FHIT: variants seen among roughly 807,000 people sequenced by gnomAD.
The protein encoded by FHIT is bis(5'-adenosyl)-triphosphatase.
FHIT carries 19 observed loss-of-function variants against 17.9 expected under a neutral mutation model. The ratio of observed to expected loss-of-function variants is 1.06; its 90% CI spans 0.74 to 1.56. The LOEUF is 1.56. Among genes scored for constraint, FHIT ranks in the 40% most tolerant of loss-of-function variants. The pLI, the probability that FHIT is intolerant of heterozygous loss-of-function variation, is 0.00. For missense variants in FHIT, 248 were observed against 189.2 expected, an observed-to-expected ratio of 1.31 and a Z score of -1.82; for synonymous variants, 81 against 69.7, an observed-to-expected ratio of 1.16 and a Z score of -0.81.
intron 1 of FHIT, among the ~76,000 whole-genome samples, chr3:61,242,728 G>T (rs1307083247): frequency 2.6e-5 from 4 of 152,152 alleles, no homozygotes; most frequent in Non-Finnish European, 4.4e-5. Flanking sequence ...CCAGGCAGTG[G>T]GGAGTGCTGA....
intron 3 of FHIT, among the ~76,000 whole-genome samples, chr3:60,845,363 T>C (rs1702889571): frequency 6.6e-6 from 1 of 151,882 alleles, no homozygotes; most frequent in Non-Finnish European, 1.5e-5. Flanking sequence ...AAACTAAGGC[T>C]GCAGACTTAA....
intron 2 of FHIT, among the ~76,000 whole-genome samples, chr3:61,189,787 A>G (rs1190040682): frequency 6.6e-6 from 1 of 152,132 alleles, no homozygotes; most frequent in African/African-American, 2.4e-5. Context: ...CCACATATCT[A>G]CAACTATCTG....
At chr3:60,740,422 AT>A (rs1553713641) in intron 4 of FHIT, among the ~76,000 whole-genome samples, 1 of 152,254 alleles carries the variant, frequency 6.6e-6, no homozygotes, top group Non-Finnish European at 1.5e-5. Context: ...TAAATAACTT[AT>A]GTAAAGTGCT....
intron 5 of FHIT, among the ~76,000 whole-genome samples, chr3:60,194,618 G>A (rs1465775238): frequency 1.3e-5 from 2 of 152,098 alleles, no homozygotes; most frequent in Non-Finnish European, 2.9e-5. Flanking sequence ...CTTCTGCACA[G>A]CAAAAGAAAC....
chr3:60,826,823 C>A (rs1248104740), intron 3 of FHIT, among the ~76,000 whole-genome samples: 2 of 152,132 alleles, frequency 1.3e-5, no homozygotes, highest in Non-Finnish European at 2.9e-5. Flanking sequence ...CAAGGGTACA[C>A]CATGGACATC....
At chr3:60,936,593 T>C (rs1213748854) in intron 3 of FHIT, among the ~76,000 whole-genome samples, 1 of 152,202 alleles carries the variant, frequency 6.6e-6, no homozygotes, top group Admixed American at 6.5e-5. Flanking sequence ...TTTTTCCCCT[T>C]TCCATGTGAC....
intron 4 of FHIT, among the ~76,000 whole-genome samples, chr3:60,731,446 C>T (rs550298358): frequency 6.6e-6 from 1 of 152,112 alleles, no homozygotes; most frequent in Admixed American, 6.5e-5. Context: ...ATGGTTTGAC[C>T]TTTTGACTTG....
intron 5 of FHIT, among the ~76,000 whole-genome samples, chr3:60,243,878 T>C (rs1705257423): frequency 6.6e-6 from 1 of 152,164 alleles, no homozygotes; most frequent in South Asian, 2.1e-4. Flanking sequence ...AAGTACCAGA[T>C]GTGCTCTCTA....
intron 7 of FHIT, among the ~76,000 whole-genome samples, chr3:59,998,014 G>T (rs3856657): frequency 6.6e-6 from 1 of 152,170 alleles, no homozygotes. Context: ...ACAGTTAGCA[G>T]TAATTTATCA....
chr3:60,098,014 T>C (rs535549311), intron 5 of FHIT, among the ~76,000 whole-genome samples: 3 of 151,964 alleles, frequency 2.0e-5, no homozygotes, highest in African/African-American at 4.8e-5. Context: ...TGGTTTCCAG[T>C]TTCATCCATG....
chr3:60,954,723 A>G (rs1709037508), intron 3 of FHIT, among the ~76,000 whole-genome samples: 1 of 152,194 alleles, frequency 6.6e-6, no homozygotes, highest in Non-Finnish European at 1.5e-5. Context: ...ATTGGATAAT[A>G]CCCAGATAAT....
chr3:60,682,897 G>T (rs1328167347), intron 4 of FHIT, among the ~76,000 whole-genome samples: 2 of 152,166 alleles, frequency 1.3e-5, no homozygotes, highest in East Asian at 3.8e-4. Context: ...TTTATGGGAG[G>T]ACAACAAAAT....
At chr3:60,191,149 T>C (rs76156403) in intron 5 of FHIT, among the ~76,000 whole-genome samples, 6,661 of 151,336 alleles carry the variant, frequency 0.044, 193 homozygotes, top group Middle Eastern at 0.13. Context: ...CTCCAAAGAG[T>C]CAGCCAGCAA....
chr3:60,361,621 G>C (rs568710528), intron 5 of FHIT, among the ~76,000 whole-genome samples: 3 of 152,246 alleles, frequency 2.0e-5, no homozygotes, highest in Admixed American at 2.0e-4. Context: ...GTAGGTAAAG[G>C]GGTAGAGATT....
chr3:60,958,374 A>C (rs1159951999), intron 3 of FHIT, among the ~76,000 whole-genome samples: 1 of 152,242 alleles, frequency 6.6e-6, no homozygotes, highest in Non-Finnish European at 1.5e-5. Context: ...ATTTTAAAGA[A>C]ATGAGCCTTG....
At chr3:59,775,162 C>A (rs1404683489) in intron 8 of FHIT, among the ~76,000 whole-genome samples, 1 of 152,112 alleles carries the variant, frequency 6.6e-6, no homozygotes, top group Non-Finnish European at 1.5e-5. Context: ...CCCCCTAATT[C>A]CAGAGCTGAT....
At chr3:60,327,751 G>A (rs1346045664) in intron 5 of FHIT, among the ~76,000 whole-genome samples, 1 of 152,214 alleles carries the variant, frequency 6.6e-6, no homozygotes, top group East Asian at 1.9e-4. Context: ...CTCAGTGACT[G>A]GAGATGGTCT....
intron 5 of FHIT, among the ~76,000 whole-genome samples, chr3:60,129,299 C>T (rs1349751444): frequency 2.0e-5 from 3 of 152,062 alleles, no homozygotes; most frequent in African/African-American, 7.2e-5. Flanking sequence ...GATCCGACCT[C>T]TCAAAGTGCT....
At chr3:59,991,582 G>C (rs562612683) in intron 7 of FHIT, among the ~76,000 whole-genome samples, 1 of 152,142 alleles carries the variant, frequency 6.6e-6, no homozygotes, top group East Asian at 1.9e-4. Flanking sequence ...CCTATTCATT[G>C]CTATCGGGTT....
Sources: gnomAD v4.1 joint callset for allele counts (sites outside exome capture counted in the v4.1 genomes callset) on GRCh38, gnomAD v4.1.1 for gene constraint, MANE v1.5 for transcripts, NCBI Gene and HGNC (gene_info 2026-07-23, HGNC 2026-07-21) for gene names.